RIC8A: variants seen among roughly 807,000 people sequenced by gnomAD.
The protein encoded by RIC8A is chaperone Ric-8A.
RIC8A carries 37 observed loss-of-function variants against 48.4 expected under a neutral mutation model. That is an observed-to-expected ratio of 0.77 (90% CI 0.59 to 1.01). RIC8A has a LOEUF of 1.01. Among genes scored for constraint, RIC8A ranks in the 50% least tolerant of loss-of-function variants. The probability of loss-of-function intolerance (pLI) is 0.00; values close to 1 mark genes in which losing one functional copy is unlikely to be tolerated. For missense variants in RIC8A, 681 were observed against 696.8 expected (o/e 0.98, Z 0.25); for synonymous variants, 288 against 283.4 (o/e 1.02, Z -0.16).
In RIC8A at chr11:213,606, A is replaced by T. The variant is rs565509123; in HGVS notation, c.1475+188A>T. The T allele has an allele frequency of 5.9e-6, 4 of 673,894 alleles. No homozygotes were observed. In the East Asian group the frequency reaches 1.3e-4, roughly 21 times the overall value. 41.7% of individuals were successfully genotyped at this position (673,894 alleles called of 1,614,324 possible). A position where few individuals can be genotyped will look rare whatever the true frequency, so the allele number is the denominator to read the frequency against. ...AGGGGATGGGTATATTGAGATCAGT[A>T]TTGTGCCCCTTTTACAGATGATAAC... On this transcript the variant is annotated intron_variant, in intron 9 of 9. Coordinates refer to ENST00000526104, the MANE Select transcript of RIC8A (RefSeq NM_001286134.2).
rs766789202 is a variant in RIC8A at position 212,925 on chromosome 11, C to T, written c.1299C>T (p.Gly433=). The change falls in exon 8 of 10, where the codon GGC becomes GGT. Residue 433 remains glycine, a synonymous_variant. Coordinates refer to ENST00000526104, the MANE Select transcript of RIC8A (RefSeq NM_001286134.2). ...RGLMAGGRPE[G]QYSEDEDTDT... is the part of the protein sequence containing the mutation. The stretch of plus-strand genomic sequence containing the variant: ...TCATGGCAGGAGGCCGGCCCGAGGG[C>T]CAGTACTCAGAGGATGAGGACACAG... 9 of 1,599,618 alleles carry T rather than the reference C, an allele frequency of 5.6e-6. No homozygotes were observed. Among genetic ancestry groups the T allele is most frequent in the Middle Eastern group, 1.7e-4 (1 of 6,012 alleles).
intron 9 of RIC8A, chr11:213,669 G>A (rs1017964815): frequency 1.5e-4 from 61 of 401,044 alleles, no homozygotes; most frequent in Non-Finnish European, 1.8e-4. Context: ...CTAAGGCCGG[G>A]CGTGGTAGCT....
Position 208,871 on chromosome 11 carries a change from T to C in RIC8A, c.17T>C (p.Val6Ala), listed in dbSNP as rs1426997406. MEPRA[V>A]AEAVETGEED... ...CGGCGCGCCATGGAGCCCCGGGCGG[T>C]TGCAGAAGCCGTGGAGACGGGTGAG... Residue 6 changes from valine to alanine, a missense_variant, in exon 1 of 10, where the codon GTT becomes GCT. Val to Ala is a moderately conservative substitution (Grantham distance 64). Transcript: ENST00000526104. This position sits in a 1 kb window ranked among gnomAD's most constrained non-coding sequence, Gnocchi z 4.8. The C allele has an allele frequency of 1.2e-6, 2 of 1,610,118 alleles. No homozygotes were observed. Among genetic ancestry groups the C allele is most frequent in the Admixed American group, 1.7e-5 (1 of 59,872 alleles).
intron 5 of RIC8A, 127 bp from the exon 6 acceptor site, chr11:212,289 C>T: frequency 1.1e-6 from 1 of 925,854 alleles, no homozygotes; most frequent in African/African-American, 1.6e-5. Flanking sequence ...GGGGCCTCTT[C>T]CCAAACCTCT....
Position 212,527 on chromosome 11 carries a change from G to T in RIC8A, c.1065+16G>T. On this transcript the variant is annotated intron_variant, in intron 6 of 9. Coordinates refer to ENST00000526104, the MANE Select transcript of RIC8A (RefSeq NM_001286134.2). ...GAAGGCCCAGGTATAAGGCTGAGGA[G>T]CTGGTGCTCCTGGGGGATGTGGTTT... 6.2e-7 allele frequency: 1 copy of T among 1,613,282 alleles called. No homozygotes were observed. The highest frequency in any genetic ancestry group is 8.5e-7 in the Non-Finnish European group (1 of 1,179,642).
Position 211,237 on chromosome 11 carries a change from G to C in RIC8A, c.857G>C (p.Cys286Ser). The change falls in exon 5 of 10, where the codon TGT becomes TCT. Residue 286 changes from cysteine (C) to serine (S), a missense_variant. Cys to Ser is a moderately radical substitution (Grantham distance 112). Coordinates refer to ENST00000526104, the MANE Select transcript of RIC8A (RefSeq NM_001286134.2). This position sits in a 1 kb window ranked among gnomAD's most constrained non-coding sequence, Gnocchi z 4.0. ...VNLLGNLPLKCLDVLLTLEPH... is the reference protein window; with the variant it reads ...VNLLGNLPLKSLDVLLTLEPH... ...CTCCTGGGGAACTTGCCCCTCAAGT[G>C]TCTGGATGTTCTCCTCACCCTGGAG... The C allele has an allele frequency of 6.2e-7, 1 of 1,614,086 alleles. No individual in the cohort carries two copies. The highest frequency in any genetic ancestry group is 8.5e-7 in the Non-Finnish European group (1 of 1,179,946).
rs757888394 is a variant in RIC8A at position 213,429 on chromosome 11, TGAG to T, written c.1475+19_1475+21del. On this transcript the variant is annotated intron_variant, in intron 9 of 9. Transcript: ENST00000526104. ...TGACAAGCTCTCCAGGTGTGTGGCA[TGAG>T]GAGGAGGGGCCTGCAGCTGGGAGAA... is the stretch of plus-strand genomic sequence containing the variant. 8.3e-6 allele frequency: 13 copies of T among 1,571,148 alleles called. No homozygotes were observed. Among genetic ancestry groups the T allele is most frequent in the Admixed American group, 3.7e-5 (2 of 53,346 alleles).
In RIC8A at chr11:213,356, G is replaced by C; in HGVS notation, c.1413G>C (p.Met471Ile). The change falls in exon 9 of 10, where the codon ATG becomes ATC. Residue 471 changes from methionine to isoleucine, a missense_variant. Met to Ile is a conservative substitution (Grantham distance 10). Transcript: ENST00000526104. ...EEKPPNPMEG[M>I]TEEQKEHEAM... ...AGCCGCCTAACCCTATGGAGGGCATGACAGAGGAGCAGAAGGAGCACGAGG... is the reference window on the plus strand; with the variant it reads ...AGCCGCCTAACCCTATGGAGGGCATCACAGAGGAGCAGAAGGAGCACGAGG... 6.2e-7 allele frequency: 1 copy of C among 1,613,166 alleles called. No individual in the cohort carries two copies. Among genetic ancestry groups the C allele is most frequent in the South Asian group, 1.1e-5 (1 of 90,868 alleles).
intron 9 of RIC8A, 129 bp from the exon 10 acceptor site, chr11:214,101 C>T: frequency 9.0e-7 from 1 of 1,112,000 alleles, no homozygotes; most frequent in Non-Finnish European, 1.3e-6. Context: ...ACAGAAGGTC[C>T]AACCAGGCTT....
At position 209,780 on chromosome 11, in the gene RIC8A, T is replaced by G; in HGVS notation, c.506T>G (p.Phe169Cys). The G allele has an allele frequency of 2.5e-6, 4 of 1,614,074 alleles. No individual in the cohort carries two copies. The highest frequency in any genetic ancestry group is 3.4e-6 in the Non-Finnish European group (4 of 1,180,040). Residue 169 changes from phenylalanine to cysteine, a missense_variant, in exon 3 of 10, where the codon TTC becomes TGC. Physicochemically the swap from Phe to Cys is radical, Grantham distance 205 (BLOSUM62 -2). Transcript: ENST00000526104. ...DVQFFDLRLL[F>C]LLTALRTDVR... ...CAGTTCTTTGACTTGCGGCTCCTCTTCCTGCTAACGGCACTCCGCACCGAT... is the reference window on the plus strand; with the variant it reads ...CAGTTCTTTGACTTGCGGCTCCTCTGCCTGCTAACGGCACTCCGCACCGAT...
Position 211,267 on chromosome 11 carries a change from A to T in RIC8A, c.887A>T (p.His296Leu). The change falls in exon 5 of 10, where the codon CAT (histidine) becomes CTT (leucine). Residue 296 changes from histidine to leucine, a missense_variant. By Grantham distance (99) the His-to-Leu change is moderately conservative (BLOSUM62 -3). Transcript: ENST00000526104. The surrounding 1 kb of genome is among the most constrained non-coding windows in gnomAD (Gnocchi z 4.0). ...GATGTTCTCCTCACCCTGGAGCCAC[A>T]TGGAGACTCCACGGAGTTCATGGGA... ...CLDVLLTLEP[H>L]GDSTEFMGVN... is the part of the protein sequence containing the mutation. The T allele has an allele frequency of 1.9e-6, 3 of 1,613,908 alleles. No individual in the cohort carries two copies. In the African/African-American group the frequency reaches 4.0e-5, roughly 22 times the overall value.
chr11:214,411 G>C lies in RIC8A; in HGVS notation c.*61G>C. 3 of 1,550,350 alleles carry C rather than the reference G, an allele frequency of 1.9e-6. No individual in the cohort carries two copies. The highest frequency in any genetic ancestry group is 8.7e-7 in the Non-Finnish European group (1 of 1,146,288). ...TGCTGCTTCCAGAGACTTCCTTGGG[G>C]TTGCAACCTGGGGAAGCCACATCCC... On this transcript the variant is annotated 3_prime_UTR_variant, in exon 10 of 10. Transcript: ENST00000526104.
Position 214,280 on chromosome 11 carries a change from C to A in RIC8A, c.1526C>A (p.Ser509Tyr). The change falls in exon 10 of 10, where the codon TCC becomes TAC. Residue 509 changes from serine to tyrosine, a missense_variant. Transcript: ENST00000526104. Reference protein sequence around the residue: ...MGMSPRGHLTSLQDAMCETME... With the variant: ...MGMSPRGHLTYLQDAMCETME... Reference sequence around the variant, plus strand: ...ATGAGTCCCCGGGGTCATCTTACGTCCCTGCAGGATGCCATGTGCGAGACT... The same window carrying A: ...ATGAGTCCCCGGGGTCATCTTACGTACCTGCAGGATGCCATGTGCGAGACT... 6.2e-7 allele frequency: 1 copy of A among 1,613,792 alleles called. No homozygotes were observed. Among genetic ancestry groups the A allele is most frequent in the African/African-American group, 1.3e-5 (1 of 75,050 alleles).
Position 211,447 on chromosome 11 carries a change from G to C in RIC8A, c.969+98G>C, listed in dbSNP as rs11246002. The C allele has an allele frequency of 3.1e-6, 4 of 1,298,836 alleles. No homozygotes were observed. Among genetic ancestry groups the C allele is most frequent in the Non-Finnish European group, 3.1e-6 (3 of 955,652 alleles). 80.5% of individuals were successfully genotyped at this position (1,298,836 alleles called of 1,614,324 possible). On this transcript the variant is annotated intron_variant, in intron 5 of 9. Coordinates refer to ENST00000526104, the MANE Select transcript of RIC8A (RefSeq NM_001286134.2). The surrounding 1 kb of genome is among the most constrained non-coding windows in gnomAD (Gnocchi z 4.0). ...GCTTCCACACTGTCCACACTGGTAC[G>C]TGGAGATTGTCTTGGTGGTGTGATA...
At position 213,345 on chromosome 11, in the gene RIC8A, A is replaced by G. The variant is rs1855419569; in HGVS notation, c.1402A>G (p.Met468Val). The G allele has an allele frequency of 1.2e-6, 2 of 1,613,380 alleles. No individual in the cohort carries two copies. Among genetic ancestry groups the G allele is most frequent in the Non-Finnish European group, 1.7e-6 (2 of 1,179,740 alleles). The change falls in exon 9 of 10, where the codon ATG (methionine) becomes GTG (valine). Residue 468 changes from methionine (M) to valine (V), a missense_variant. Transcript: ENST00000526104. ...GRVEEKPPNP[M>V]EGMTEEQKEH... ...GGTGGAGGAGAAGCCGCCTAACCCT[A>G]TGGAGGGCATGACAGAGGAGCAGAA...
In RIC8A at chr11:212,867, G is replaced by A. The variant is rs747242770; in HGVS notation, c.1241G>A (p.Gly414Glu). 5.6e-6 allele frequency: 9 copies of A among 1,607,016 alleles called. No individual in the cohort carries two copies. Among genetic ancestry groups the A allele is most frequent in the Non-Finnish European group, 7.7e-6 (9 of 1,176,332 alleles). Reference sequence around the variant, plus strand: ...CGATTCATCAAGTACACAGGCTATGGGAATGCTGCTGGCCTTCTGGCTGCC... The same window carrying A: ...CGATTCATCAAGTACACAGGCTATGAGAATGCTGCTGGCCTTCTGGCTGCC... The part of the protein sequence containing the change: ...VPRFIKYTGY[G>E]NAAGLLAARG... The change falls in exon 8 of 10, where the codon GGG becomes GAG. Residue 414 changes from glycine to glutamate, a missense_variant. Physicochemically the swap from Gly to Glu is moderately conservative, Grantham distance 98. Coordinates refer to ENST00000526104, the MANE Select transcript of RIC8A (RefSeq NM_001286134.2).
chr11:210,061 G>A, intron 3 of RIC8A, 61 bp downstream of exon 3: 2 of 1,387,842 alleles, frequency 1.4e-6, no homozygotes, highest in Non-Finnish European at 1.9e-6. Context: ...TCCTGGACCT[G>A]CTTCCTACTG....
At chr11:210,865 TGGTACTTACTAG>T (rs1406491211) in intron 4 of RIC8A, 3 of 618,440 alleles carry the variant, frequency 4.9e-6, no homozygotes, top group Non-Finnish European at 8.6e-6. Context: ...GGCAACAGTA[TGGTACTTACTAG>T]GGCACATTGG....
At chr11:209,221 A>G in intron 1 of RIC8A, 50 bp from the exon 2 acceptor site, 1 of 1,611,278 alleles carries the variant, frequency 6.2e-7, no homozygotes, top group Non-Finnish European at 8.5e-7. Context: ...GCATCAGCGG[A>G]CGCGGATCCT....
Sources: allele counts gnomAD v4.1 joint callset, GRCh38; gene constraint gnomAD v4.1.1; non-coding constraint Gnocchi (gnomAD v3.1); transcripts MANE v1.5; gene names NCBI Gene and HGNC (gene_info 2026-07-23, HGNC 2026-07-21).